The following CWC22 variants were observed in gnomAD, a reference collection of about 807,000 sequenced individuals.
The protein encoded by CWC22 is pre-mRNA-splicing factor CWC22 homolog.
In CWC22, 53 loss-of-function variants were observed where a neutral mutation model predicts 117.2. The ratio of observed to expected loss-of-function variants is 0.45; its 90% CI spans 0.36 to 0.57. The LOEUF is 0.57. Ranked by LOEUF, CWC22 falls within the 20% of genes least tolerant of loss-of-function variation. CWC22 has a pLI of 0.00. For synonymous variants in CWC22, 360 were observed against 355.6 expected (o/e 1.01, Z -0.14); for missense variants, 980 against 1,068.8 (o/e 0.92, Z 1.16).
chr2:179,998,253 A>C (rs116112322), intron 1 of CWC22, among the ~76,000 whole-genome samples: 39 of 152,318 alleles, frequency 2.6e-4, no homozygotes, highest in African/African-American at 9.1e-4. Flanking sequence ...GTTGTAAATC[A>C]ATTGGAAAGG....
chr2:179,993,732 TTATTAAAA>T (rs938075951), intron 1 of CWC22, among the ~76,000 whole-genome samples: 6 of 152,160 alleles, frequency 3.9e-5, no homozygotes, highest in Admixed American at 2.6e-4. Flanking sequence ...TCCTATAACT[TTATTAAAA>T]ATGTTCTCAT....
Position 179,971,007 on chromosome 2 carries a change from C to A in CWC22, c.874G>T (p.Val292Leu), listed in dbSNP as rs1250880097. 1 of 1,611,048 alleles carries A rather than the reference C, an allele frequency of 6.2e-7. No individual in the cohort carries two copies. The highest frequency in any genetic ancestry group is 1.3e-5 in the African/African-American group (1 of 74,958). The change falls in exon 9 of 20, where the codon GTA (valine) becomes TTA (leucine). Residue 292 changes from valine (V) to leucine (L), a missense_variant. Transcript: ENST00000410053. ...CATTCCTTAAGAAAACCAATAGCTA[C>A]TTCAACGCTATCATCTGTTGGTCTT... ...LERPTDDSVE[V>L]AIGFLKECGL...
In CWC22 at chr2:179,950,428, A is replaced by C. The variant is rs1686414899; in HGVS notation, c.2140+84T>G. On this transcript the variant is annotated intron_variant, in intron 19 of 19. Transcript: ENST00000410053. ...CAACTGATCTCTAAGACAAATAAAC[A>C]ATCAAATTATTTTCTTCCTTCATAT... 4 of 832,836 alleles carry C rather than the reference A, an allele frequency of 4.8e-6. No homozygotes were observed. In the South Asian group the frequency reaches 5.2e-5, roughly 11 times the overall value. The allele number at this position is 832,836 out of a possible 1,614,324, so 51.6% of individuals were successfully genotyped here.
chr2:179,998,377 C>T (rs377752564), intron 1 of CWC22, among the ~76,000 whole-genome samples: 1 of 152,042 alleles, frequency 6.6e-6, no homozygotes, highest in East Asian at 1.9e-4. Flanking sequence ...TTCCTCAATC[C>T]TCATAATTAC....
At chr2:180,004,412 G>A (rs1687920108) in intron 1 of CWC22, among the ~76,000 whole-genome samples, 1 of 151,628 alleles carries the variant, frequency 6.6e-6, no homozygotes, top group Admixed American at 6.6e-5. Flanking sequence ...TTTTTCTTGA[G>A]ACAGAGGCTC....
At chr2:179,996,169 C>T (rs981647245) in intron 1 of CWC22, among the ~76,000 whole-genome samples, 6 of 152,100 alleles carry the variant, frequency 3.9e-5, no homozygotes, top group African/African-American at 1.4e-4. Context: ...AAATAATATC[C>T]AGGAGACAAT....
At chr2:179,965,370 C>T (rs1686862790) in intron 12 of CWC22, among the ~76,000 whole-genome samples, 2 of 151,998 alleles carry the variant, frequency 1.3e-5, no homozygotes, top group Admixed American at 6.6e-5. Context: ...AGTAAAGTTC[C>T]GAGCTTATTT....
chr2:179,982,037 A>G (rs1289774275), intron 4 of CWC22, 40 bp from the exon 5 acceptor site: 2 of 1,103,512 alleles, frequency 1.8e-6, no homozygotes, highest in Non-Finnish European at 2.7e-6. Context: ...AAGACAATAT[A>G]AAACACACTC....
intron 12 of CWC22, among the ~76,000 whole-genome samples, chr2:179,965,357 CAAAGT>C (rs567519353): frequency 5.9e-5 from 9 of 151,968 alleles, no homozygotes; most frequent in Non-Finnish European, 1.0e-4. Context: ...GTGCCTTAAC[CAAAGT>C]AAAGTTCCGA....
chr2:179,974,050 A>G (rs1687095954), intron 6 of CWC22, among the ~76,000 whole-genome samples: 1 of 152,200 alleles, frequency 6.6e-6, no homozygotes, highest in Admixed American at 6.5e-5. Context: ...TTCTCTCTAC[A>G]TATAATTCCT....
chr2:179,988,632 G>T lies in CWC22; in HGVS notation c.40C>A (p.His14Asn). 1 of 1,511,140 alleles carries T rather than the reference G, an allele frequency of 6.6e-7. No individual in the cohort carries two copies. The highest frequency in any genetic ancestry group is 1.3e-5 in the South Asian group (1 of 75,066). The allele number at this position is 1,511,140 out of a possible 1,614,324, so 93.6% of individuals were successfully genotyped here. ...SVAQIKPSSG[H>N]DRRENLNSYQ... ...GAATTAAGGTTTTCCCTTCTGTCAT[G>T]ACCAGAAGAAGGCTTTAAAAGAGGA... is the stretch of plus-strand genomic sequence containing the variant. Residue 14 changes from histidine to asparagine, a missense_variant, in exon 3 of 20, where the codon CAT (histidine) becomes AAT (asparagine). His to Asn is a moderately conservative substitution (Grantham distance 68). Coordinates refer to ENST00000410053, the MANE Select transcript of CWC22 (RefSeq NM_020943.3).
intron 14 of CWC22, 30 bp downstream of exon 14, chr2:179,958,992 C>T (rs933177665): frequency 3.6e-6 from 5 of 1,401,218 alleles, no homozygotes; most frequent in South Asian, 2.5e-5. Flanking sequence ...CCAATATATA[C>T]ATTTCCTAAT....
intron 2 of CWC22, among the ~76,000 whole-genome samples, chr2:179,992,683 T>G (rs929767792): frequency 1.3e-5 from 2 of 152,272 alleles, no homozygotes; most frequent in Non-Finnish European, 1.5e-5. Context: ...GGATTTGTTT[T>G]ATTCACTATT....
chr2:179,947,205 G>A (rs758724598), intron 19 of CWC22, among the ~76,000 whole-genome samples: 5 of 151,990 alleles, frequency 3.3e-5, no homozygotes, highest in Non-Finnish European at 7.4e-5. Flanking sequence ...TATTTCTTCC[G>A]CTAAATGCAT....
At chr2:179,967,570 T>A (rs1463020380) in intron 11 of CWC22, among the ~76,000 whole-genome samples, 2 of 152,228 alleles carry the variant, frequency 1.3e-5, no homozygotes, top group African/African-American at 4.8e-5. Context: ...AAACAAGGCA[T>A]CAAACTTCAC....
At chr2:179,984,919 A>G (rs1687379241) in intron 4 of CWC22, among the ~76,000 whole-genome samples, 1 of 152,048 alleles carries the variant, frequency 6.6e-6, no homozygotes, top group Non-Finnish European at 1.5e-5. Flanking sequence ...ACCGCTTATC[A>G]CTACTCAAAC....
At chr2:179,992,998 T>C (rs1687607024) in intron 2 of CWC22, among the ~76,000 whole-genome samples, 1 of 93,062 alleles carries the variant, frequency 1.1e-5, no homozygotes, top group Non-Finnish European at 2.5e-5. Flanking sequence ...CATGCATCCA[T>C]GTGTATACAC....
rs1686251221 is a variant in CWC22 at position 179,944,899 on chromosome 2, C to T, written c.*230G>A. ...AATGAGCTTTTGATCATTTTATTCA[C>T]AAAATATAAGCGAGACTTACATCCC... is the stretch of plus-strand genomic sequence containing the variant. On this transcript the variant is annotated 3_prime_UTR_variant, in exon 20 of 20. Transcript: ENST00000410053. The T allele has an allele frequency of 8.3e-6, 3 of 360,120 alleles. No individual in the cohort carries two copies. The highest frequency in any genetic ancestry group is 4.2e-5 in the African/African-American group (2 of 47,532). 22.3% of individuals were successfully genotyped at this position (360,120 alleles called of 1,614,324 possible).
chr2:180,005,839 C>T (rs1228630030), intron 1 of CWC22, among the ~76,000 whole-genome samples: 1 of 152,198 alleles, frequency 6.6e-6, no homozygotes, highest in Non-Finnish European at 1.5e-5. Context: ...GAAGCTGACA[C>T]TAGAGACTTT....
Sources: allele counts gnomAD v4.1 joint callset (sites outside exome capture counted in the v4.1 genomes callset), GRCh38; gene constraint gnomAD v4.1.1; transcripts MANE v1.5; gene names NCBI Gene and HGNC (gene_info 2026-07-23, HGNC 2026-07-21).